EMC1: variants seen among roughly 807,000 people sequenced by gnomAD.
The protein encoded by EMC1 is ER membrane protein complex subunit 1.
In EMC1, 103 loss-of-function variants were observed where a neutral mutation model predicts 128.8. That is an observed-to-expected ratio of 0.80 (90% confidence interval 0.68 to 0.94). The LOEUF (loss-of-function observed/expected upper bound fraction) is 0.94, where lower values mean the gene tolerates loss of function less well. Ranked by LOEUF, EMC1 falls within the 40% of genes least tolerant of loss-of-function variation. The probability of loss-of-function intolerance (pLI) is 0.00; values close to 1 mark genes in which losing one functional copy is unlikely to be tolerated. For synonymous variants in EMC1, 442 were observed against 490.4 expected (o/e 0.90, Z 1.30); for missense variants, 1,083 against 1,250.6 (o/e 0.87, Z 2.02).
rs1267615122 is a variant in EMC1, at chr1:19,219,772, C to T, written c.2673-74G>A. 2.5e-6 allele frequency: 4 copies of T among 1,573,610 alleles called. No homozygotes were observed. The African/African-American group carries it at 5.4e-5, about 21-fold the overall frequency. Reference sequence around the variant, plus strand: ...ATCTCTTGGCTGCCCTTCCTGAGTCCTGGGAGGTTTCCAGGCTACATATCT... The same window carrying T: ...ATCTCTTGGCTGCCCTTCCTGAGTCTTGGGAGGTTTCCAGGCTACATATCT... On this transcript the variant is annotated intron_variant, in intron 21 of 22. Transcript: ENST00000477853.
chr1:19,223,612 A>C (rs1482353457), intron 18 of EMC1, 43 bp from the exon 19 acceptor site: 2 of 1,588,958 alleles, frequency 1.3e-6, no homozygotes, highest in African/African-American at 2.7e-5. Context: ...ACGACGACTC[A>C]TCACACACTC....
chr1:19,238,609 A>T (rs952180128), intron 10 of EMC1, among the ~76,000 whole-genome samples, 186 bp downstream of exon 10: 2 of 152,168 alleles, frequency 1.3e-5, no homozygotes, highest in African/African-American at 4.8e-5. Flanking sequence ...GACTCTAGGG[A>T]TTCTACCTCC....
In EMC1 at chr1:19,240,360, G is replaced by T. The variant is rs2093597561; in HGVS notation, c.723C>A (p.Ser241Arg). Residue 241 changes from serine (S) to arginine (R), a missense_variant, in exon 7 of 23, where the codon AGC (serine) becomes AGA (arginine). Physicochemically the swap from Ser to Arg is moderately radical, Grantham distance 110. Transcript: ENST00000477853. ...GAGCCAAAGTTTGGAGGGAACGTGA[G>T]CTCGGGTCAGGACACACCAGGACAG... ...DEAVLVCPDP[S>R]SRSLQTLALE... 2 of 1,614,248 alleles carry T rather than the reference G, an allele frequency of 1.2e-6. No homozygotes were observed. Among genetic ancestry groups the T allele is most frequent in the African/African-American group, 1.3e-5 (1 of 75,070 alleles).
chr1:19,240,834 A>G (rs1399790592), intron 6 of EMC1, 182 bp downstream of exon 6: 1 of 676,928 alleles, frequency 1.5e-6, no homozygotes, highest in Non-Finnish European at 2.5e-6. Flanking sequence ...AAGATAACAC[A>G]TGCAAATATG....
rs778474763 is a variant in EMC1 at position 19,232,764 on chromosome 1, T to C, written c.1642A>G (p.Ile548Val). 12 of 1,613,992 alleles carry C rather than the reference T, an allele frequency of 7.4e-6. No individual in the cohort carries two copies. In the Admixed American group the frequency reaches 1.8e-4, roughly 25 times the overall value. Residue 548 changes from isoleucine (I) to valine (V), a missense_variant, in exon 15 of 23, where the codon ATT (isoleucine) becomes GTT (valine). By Grantham distance (29) the Ile-to-Val change is conservative. This residue lies in a region of EMC1 where 527 missense variants were observed against 644.1 expected (regional missense o/e 0.82). Coordinates refer to ENST00000477853, the MANE Select transcript of EMC1 (RefSeq NM_015047.3). ...AGGATGGTGCCAGAGCTGCTCTCAA[T>C]GCCAAAAAGCTGCAAGATAAACAAA... ...MVTASGKLFG[I>V]ESSSGTILWK...
intron 18 of EMC1, among the ~76,000 whole-genome samples, chr1:19,226,309 A>G (rs968966411): frequency 2.0e-5 from 3 of 152,106 alleles, no homozygotes; most frequent in African/African-American, 7.2e-5. Context: ...ATGCTCTATC[A>G]GTACTACCAC....
At chr1:19,230,570 A>G (rs1460656281) in intron 17 of EMC1, among the ~76,000 whole-genome samples, 1 of 144,650 alleles carries the variant, frequency 6.9e-6, no homozygotes, top group Non-Finnish European at 1.5e-5. Context: ...ACTCCATCTC[A>G]AAAAAAAAAA....
intron 18 of EMC1, among the ~76,000 whole-genome samples, chr1:19,226,969 G>C (rs1161538278): frequency 3.9e-5 from 6 of 152,020 alleles, no homozygotes; most frequent in Non-Finnish European, 7.4e-5. Context: ...CGAAGCTGCA[G>C]TGAGCCATGA....
chr1:19,220,311 G>A (rs749647417), intron 21 of EMC1: 10 of 157,666 alleles, frequency 6.3e-5, no homozygotes. Flanking sequence ...GTTGCCCTCC[G>A]CAAACTCACC....
chr1:19,239,971 T>C lies in EMC1; in HGVS notation c.801A>G (p.Glu267=). ...CCCGGGGTTGGAATCCACTTCCAAA[T>C]TCTAAGTCGAGAGACTGGAAGGCAA... ...RQIPLQSLDL[E]FGSGFQPRVL... The change falls in exon 8 of 23, where the codon GAA becomes GAG. Residue 267 remains glutamate, a synonymous_variant. Coordinates refer to ENST00000477853, the MANE Select transcript of EMC1 (RefSeq NM_015047.3). 1 of 1,612,122 alleles carries C rather than the reference T, an allele frequency of 6.2e-7. No individual in the cohort carries two copies. The highest frequency in any genetic ancestry group is 8.5e-7 in the Non-Finnish European group (1 of 1,178,758).
At chr1:19,233,179 TC>T in intron 13 of EMC1, 44 bp from the exon 14 acceptor site, 1 of 1,530,606 alleles carries the variant, frequency 6.5e-7, no homozygotes, top group Non-Finnish European at 8.9e-7. Context: ...AGACTAGGGG[TC>T]CATAAGGAGG....
chr1:19,239,156 C>T (rs1490442494), intron 9 of EMC1, 75 bp downstream of exon 9: 3 of 1,405,262 alleles, frequency 2.1e-6, no homozygotes, highest in Non-Finnish European at 3.0e-6. Flanking sequence ...TGTGCCCAGA[C>T]TTCTGATTTT....
intron 1 of EMC1, among the ~76,000 whole-genome samples, chr1:19,245,781 C>T (rs1005321244): frequency 5.3e-5 from 8 of 151,678 alleles, no homozygotes; most frequent in Non-Finnish European, 7.4e-5. Context: ...CCTGCCACCA[C>T]GCCCGGCTAA....
chr1:19,227,494 A>G (rs762195683), intron 17 of EMC1, 44 bp from the exon 18 acceptor site: 2 of 1,612,128 alleles, frequency 1.2e-6, no homozygotes, highest in South Asian at 2.2e-5. Flanking sequence ...GGGTACACTT[A>G]GAACTGAAAC....
At chr1:19,226,745 T>G (rs572471183) in intron 18 of EMC1, among the ~76,000 whole-genome samples, 333 of 151,522 alleles carry the variant, frequency 2.2e-3, no homozygotes, top group South Asian at 6.0e-3. Context: ...TTTTTTTTTT[T>G]TGGGGGTGGT....
At chr1:19,226,360 T>C (rs1326017258) in intron 18 of EMC1, among the ~76,000 whole-genome samples, 2 of 152,046 alleles carry the variant, frequency 1.3e-5, no homozygotes, top group African/African-American at 4.8e-5. Context: ...CTCAAGTCTC[T>C]AACCTCAACA....
At chr1:19,240,203 G>A (rs2093596261) in intron 7 of EMC1, 94 bp downstream of exon 7, 6 of 1,503,590 alleles carry the variant, frequency 4.0e-6, no homozygotes, top group Admixed American at 1.7e-5. Flanking sequence ...CTCAGGAAGA[G>A]TCTAGGAGAA....
intron 17 of EMC1, among the ~76,000 whole-genome samples, chr1:19,230,565 A>T (rs2151947040): frequency 6.6e-6 from 1 of 151,954 alleles, no homozygotes; most frequent in South Asian, 2.1e-4. Flanking sequence ...GCAAGACTCC[A>T]TCTCAAAAAA....
intron 20 of EMC1, 130 bp downstream of exon 20, chr1:19,222,494 T>C: frequency 4.0e-6 from 3 of 759,138 alleles, no homozygotes; most frequent in Non-Finnish European, 6.7e-6. Context: ...CACCGATATA[T>C]AGCCCTCCTC....
Sources: gnomAD v4.1 joint callset for allele counts (sites outside exome capture counted in the v4.1 genomes callset) on GRCh38, gnomAD v4.1.1 for gene constraint, gnomAD v4.1.1 regional missense constraint, MANE v1.5 for transcripts, NCBI Gene and HGNC (gene_info 2026-07-23, HGNC 2026-07-21) for gene names.